SVIL: variants seen among roughly 807,000 people sequenced by gnomAD.
SVIL encodes supervillin.
SVIL carries 101 observed loss-of-function variants against 240.4 expected under a neutral mutation model. That is an observed-to-expected ratio of 0.42 (90% CI 0.36 to 0.50). The LOEUF (loss-of-function observed/expected upper bound fraction) is 0.50. Among genes scored for constraint, SVIL ranks in the 20% least tolerant of loss-of-function variants. The pLI, the probability that SVIL is intolerant of heterozygous loss-of-function variation, is 0.01. For synonymous variants in SVIL, 999 were observed against 1,100.0 expected (o/e 0.91, Z 1.82); for missense variants, 2,512 against 2,818.7 (o/e 0.89, Z 2.46).
rs200163906 is a variant in SVIL at position 29,533,161 on chromosome 10, G to A, written c.1206C>T (p.Pro402=). The change falls in exon 8 of 38, where the codon CCC becomes CCT. Residue 402 remains proline (P), a synonymous_variant. Transcript: ENST00000355867. ...CTAGAACCGTCAAGCTGGGAGGTTT[G>A]GGGACATTCTGGGTGGCTGATGCTA... ...SWVASATQNV[P]KPPSLTVLEG... 7 of 1,614,116 alleles carry A rather than the reference G, an allele frequency of 4.3e-6. No homozygotes were observed. The East Asian group carries it at 6.7e-5, about 15-fold the overall frequency.
At position 29,646,171 on chromosome 10, in the gene SVIL, A is replaced by G. The variant is rs964843222; in HGVS notation, c.-201+11798T>C. Among the ~76,000 whole-genome samples the G allele has an allele frequency of 3.3e-5, 5 of 152,208 alleles. 1 individual carries two copies. The highest frequency in any genetic ancestry group is 3.3e-4 in the Admixed American group (5 of 15,278). On this transcript the variant is annotated intron_variant, in intron 3 of 35. Coordinates refer to the SVIL transcript ENST00000375400. ...TATGCTCCAGGGAAAATGACAAGGCAATGAGTTCTTTTCCAAAGGCAACTT... is the reference window on the plus strand; with the variant it reads ...TATGCTCCAGGGAAAATGACAAGGCGATGAGTTCTTTTCCAAAGGCAACTT...
chr10:29,580,259 G>A (rs1278663587), intron 1 of SVIL, among the ~76,000 whole-genome samples: 1 of 152,082 alleles, frequency 6.6e-6, no homozygotes, highest in Non-Finnish European at 1.5e-5. Context: ...GAAGTGGGAG[G>A]AGCGTTTGAA....
intron 17 of SVIL, among the ~76,000 whole-genome samples, chr10:29,510,660 G>A (rs1293024365): frequency 7.9e-5 from 12 of 152,154 alleles, no homozygotes; most frequent in Non-Finnish European, 1.0e-4. Flanking sequence ...GAGCTACTCC[G>A]TGCAGCAAGC....
chr10:29,480,481 G>T (rs1011823003), intron 29 of SVIL, 56 bp downstream of exon 29: 2 of 1,590,850 alleles, frequency 1.3e-6, no homozygotes, highest in South Asian at 1.1e-5. Flanking sequence ...GCTGGCTCCC[G>T]CAGGGCTGCC....
intron 1 of SVIL, among the ~76,000 whole-genome samples, chr10:29,602,861 C>T (rs1956869220): frequency 6.6e-6 from 1 of 152,134 alleles, no homozygotes; most frequent in African/African-American, 2.4e-5. Context: ...TGGCAGGCAC[C>T]TGTAATTCCA....
intron 34 of SVIL, among the ~76,000 whole-genome samples, chr10:29,464,477 T>C (rs937916489): frequency 6.6e-6 from 1 of 152,090 alleles, no homozygotes; most frequent in Admixed American, 6.5e-5. Context: ...TCAAAACTGT[T>C]CTACTGCCTT....
chr10:29,566,054 A>T (rs1954936378), intron 2 of SVIL, among the ~76,000 whole-genome samples: 1 of 152,184 alleles, frequency 6.6e-6, no homozygotes, highest in Admixed American at 6.5e-5. Context: ...CAGAGGTAAC[A>T]TCATTACAAA....
intron 24 of SVIL, 38 bp from the exon 25 acceptor site, chr10:29,486,595 G>T (rs1192811953): frequency 1.9e-6 from 3 of 1,613,248 alleles, no homozygotes; most frequent in Non-Finnish European, 1.7e-6. Context: ...GGGTAGAAAA[G>T]CCCTTGGCTA....
chr10:29,568,243 C>T (rs71489686), intron 2 of SVIL, among the ~76,000 whole-genome samples: 9,175 of 151,648 alleles, frequency 0.061, 348 homozygotes, highest in Admixed American at 0.12. Flanking sequence ...AGCATAAACA[C>T]TTAAAAGATG....
chr10:29,529,253 C>G (rs1057375681), intron 12 of SVIL, among the ~76,000 whole-genome samples: 1 of 145,848 alleles, frequency 6.9e-6, no homozygotes, highest in Non-Finnish European at 1.5e-5. Context: ...CAAACCTTAT[C>G]TTTTAGAGGG....
chr10:29,465,568 A>C, intron 34 of SVIL, 27 bp downstream of exon 34: 1 of 1,573,754 alleles, frequency 6.4e-7, no homozygotes, highest in African/African-American at 1.4e-5. Context: ...TCTACTGCTC[A>C]GCATAGCTGC....
At chr10:29,517,288 T>C (rs890703028) in intron 16 of SVIL, among the ~76,000 whole-genome samples, 2 of 151,906 alleles carry the variant, frequency 1.3e-5, no homozygotes, top group Non-Finnish European at 2.9e-5. Flanking sequence ...CAGCTGAGCA[T>C]GGTGGTGTGT....
chr10:29,472,475 A>C (rs1945697817), intron 30 of SVIL, among the ~76,000 whole-genome samples: 1 of 152,240 alleles, frequency 6.6e-6, no homozygotes, highest in South Asian at 2.1e-4. Flanking sequence ...ATCCAGGAGA[A>C]TAAAGAGATT....
intron 1 of SVIL, among the ~76,000 whole-genome samples, chr10:29,577,006 G>A (rs1031110044): frequency 1.3e-5 from 2 of 151,932 alleles, no homozygotes; most frequent in Non-Finnish European, 2.9e-5. Flanking sequence ...TCAGCCTCCC[G>A]AGTAGCTGGG....
intron 6 of SVIL, among the ~76,000 whole-genome samples, chr10:29,540,306 T>A (rs1328231422): frequency 6.6e-6 from 1 of 152,164 alleles, no homozygotes; most frequent in Non-Finnish European, 1.5e-5. Flanking sequence ...TTCGCTAGGA[T>A]GTGACAGCCT....
At chr10:29,529,176 A>AG (rs1491581513) in intron 12 of SVIL, among the ~76,000 whole-genome samples, 766 of 47,118 alleles carry the variant, frequency 0.016, 4 homozygotes, top group African/African-American at 0.077. Flanking sequence ...ACTCTCTCTC[A>AG]AAAAAAAAAA....
At position 29,594,687 on chromosome 10, in the gene SVIL, G is replaced by T. The variant is rs185943013; in HGVS notation, c.-200-25375C>A. ...CCCTCCCACCTCAGCCTCCCGAGTAGCTGGGACTACAGGTGTGTGCCACCA... is the reference window on the plus strand; with the variant it reads ...CCCTCCCACCTCAGCCTCCCGAGTATCTGGGACTACAGGTGTGTGCCACCA... On this transcript the variant is annotated intron_variant, in intron 1 of 37. Coordinates refer to ENST00000355867, the MANE Select transcript of SVIL (RefSeq NM_021738.3). Among the ~76,000 whole-genome samples, 519 of 151,992 alleles carry T rather than the reference G, an allele frequency of 3.4e-3. 10 individuals carry two copies. The South Asian group carries it at 0.055, about 16-fold the overall frequency.
intron 1 of SVIL, among the ~76,000 whole-genome samples, chr10:29,616,349 T>A (rs1170480655): frequency 6.6e-6 from 1 of 152,190 alleles, no homozygotes; most frequent in African/African-American, 2.4e-5. Flanking sequence ...TATTTCCATT[T>A]TTAAGACAAA....
At position 29,536,087 on chromosome 10, in the gene SVIL, C is replaced by T; in HGVS notation, c.828-18G>A. 1 of 1,612,234 alleles carries T rather than the reference C, an allele frequency of 6.2e-7. No individual in the cohort carries two copies. Among genetic ancestry groups the T allele is most frequent in the South Asian group, 1.1e-5 (1 of 91,014 alleles). On this transcript the variant is annotated intron_variant, in intron 6 of 37. Transcript: ENST00000355867. ...TCCCTGTACTATTGTGTACAAAAAA[C>T]AAAACCAGATAATCTCTATTAAAAC...
Sources: allele counts gnomAD v4.1 joint callset (sites outside exome capture counted in the v4.1 genomes callset), GRCh38; gene constraint gnomAD v4.1.1; transcripts MANE v1.5; gene names NCBI Gene and HGNC (gene_info 2026-07-23, HGNC 2026-07-21).